ZNF615: variants seen among roughly 807,000 people sequenced by gnomAD.
The protein encoded by ZNF615 is zinc finger protein 615.
In ZNF615, 15 loss-of-function variants were observed where a neutral mutation model predicts 15.3. That is an observed-to-expected ratio of 0.98 (90% CI 0.66 to 1.51). The LOEUF (loss-of-function observed/expected upper bound fraction) is 1.51, where lower values mean the gene tolerates loss of function less well. Ranked by LOEUF, ZNF615 falls within the 40% of genes most tolerant of loss-of-function variation. ZNF615 has a pLI of 0.00. For synonymous variants in ZNF615, 268 were observed against 294.6 expected (o/e 0.91, Z 0.92); for missense variants, 848 against 895.9 (o/e 0.95, Z 0.68).
At chr19:52,005,191 G>A (rs934931140) in intron 2 of ZNF615, among the ~76,000 whole-genome samples, 44 of 152,138 alleles carry the variant, frequency 2.9e-4, no homozygotes, top group Admixed American at 2.7e-3. Context: ...CCCAGGAAGC[G>A]GAGGGTGCAG....
chr19:51,996,385 CAAA>C (rs1172310589), intron 6 of ZNF615, among the ~76,000 whole-genome samples: 50 of 33,302 alleles, frequency 1.5e-3, no homozygotes, highest in African/African-American at 5.5e-3. Flanking sequence ...GACTCTGTCT[CAAA>C]AAAAAAAAAA....
rs546967344 is a variant in ZNF615 at position 51,999,116 on chromosome 19, A to C, written c.271+1230T>G. 1.6e-4 allele frequency among the ~76,000 whole-genome samples: 25 copies of C among 152,358 alleles called. No homozygotes were observed. In the South Asian group the frequency reaches 2.5e-3, roughly 15 times the overall value. On this transcript the variant is annotated intron_variant, in intron 6 of 6. Coordinates refer to ENST00000598071, the MANE Select transcript of ZNF615 (RefSeq NM_001199324.2). ...AAGAAAACAATTCCATTAACTGCAG[A>C]AACAAAAAGAAAACTATACTTAGGA...
intron 6 of ZNF615, among the ~76,000 whole-genome samples, chr19:51,998,472 AGCT>A (rs1276091352): frequency 1.3e-5 from 2 of 152,234 alleles, no homozygotes; most frequent in African/African-American, 4.8e-5. Context: ...CTGTTCCACC[AGCT>A]GCTTTAACTT....
intron 6 of ZNF615, among the ~76,000 whole-genome samples, chr19:51,995,570 T>C (rs992738780): frequency 6.0e-5 from 9 of 150,610 alleles, no homozygotes; most frequent in African/African-American, 9.7e-5. Context: ...CTTCCTTTTT[T>C]TTTTTTTTTT....
Position 51,993,189 on chromosome 19 carries a change from A to G in ZNF615, c.1920T>C (p.Cys640=). The G allele has an allele frequency of 6.2e-7, 1 of 1,614,218 alleles. No homozygotes were observed. Among genetic ancestry groups the G allele is most frequent in the Non-Finnish European group, 8.5e-7 (1 of 1,180,036 alleles). Reference sequence around the variant, plus strand: ...ATGTCTTCTTCCTGAAGGTTTTATCACATTCATTGCATTTGTATGGCTTCT... The same window carrying G: ...ATGTCTTCTTCCTGAAGGTTTTATCGCATTCATTGCATTTGTATGGCTTCT... The part of the protein sequence containing the change: ...TGEKPYKCNE[C]DKTFRKKTCL... The change falls in exon 7 of 7, where the codon TGT becomes TGC. Residue 640 remains cysteine, a synonymous_variant. Coordinates refer to ENST00000598071, the MANE Select transcript of ZNF615 (RefSeq NM_001199324.2).
Position 51,991,869 on chromosome 19 carries a change from T to C in ZNF615, c.*1011A>G, listed in dbSNP as rs1339239188. On this transcript the variant is annotated 3_prime_UTR_variant, in exon 7 of 7. Transcript: ENST00000598071. Reference sequence around the variant, plus strand: ...TGTATTTGGTAATGAACTATGCTTATGTAAGTTGTTATCTTTGGAAGAAGC... The same window carrying C: ...TGTATTTGGTAATGAACTATGCTTACGTAAGTTGTTATCTTTGGAAGAAGC... 1 of 149,600 alleles carries C rather than the reference T, an allele frequency of 6.7e-6. No individual in the cohort carries two copies. The highest frequency in any genetic ancestry group is 2.0e-4 in the East Asian group (1 of 5,122). The allele number at this position is 149,600 out of a possible 1,614,324, so 9.3% of individuals were successfully genotyped here.
At position 52,001,897 on chromosome 19, in the gene ZNF615, T is replaced by C. The variant is rs770815797; in HGVS notation, c.154A>G (p.Ser52Gly). ...AATTTGGAGAGTGCATCTGGTTTGC[T>C]GGCTTGATACCCTGTTCATGGGAAA... ...SNLVAVGYQA[S>G]KPDALSKLER... The change falls in exon 5 of 7, where the codon AGC (serine) becomes GGC (glycine). Residue 52 changes from serine to glycine, a missense_variant. By Grantham distance (56) the Ser-to-Gly change is moderately conservative. Transcript: ENST00000598071. 23 of 1,614,098 alleles carry C rather than the reference T, an allele frequency of 1.4e-5. No homozygotes were observed. In the African/African-American group the frequency reaches 2.8e-4, roughly 20 times the overall value.
intron 6 of ZNF615, among the ~76,000 whole-genome samples, chr19:51,995,052 C>T (rs895598933): frequency 1.3e-5 from 2 of 152,080 alleles, no homozygotes; most frequent in South Asian, 2.1e-4. Context: ...AAGGGGAGGG[C>T]AGTTTTATAG....
chr19:52,001,829 G>A lies in ZNF615; in HGVS notation c.222C>T (p.Tyr74=), dbSNP rs751343599. The A allele has an allele frequency of 1.8e-5, 29 of 1,614,082 alleles. No individual in the cohort carries two copies. The East Asian group carries it at 6.5e-4, about 36-fold the overall frequency. ...EETCTTEDEI[Y]SRICSDSGGA... Reference sequence around the variant, plus strand: ...CTCACTCACCAGAACAGATTCGAGAGTAGATTTCATCTTCTGTTGTGCAAG... The same window carrying A: ...CTCACTCACCAGAACAGATTCGAGAATAGATTTCATCTTCTGTTGTGCAAG... Residue 74 remains tyrosine (Y), a synonymous_variant, in exon 5 of 7, where the codon TAC becomes TAT. Transcript: ENST00000598071.
intron 3 of ZNF615, among the ~76,000 whole-genome samples, chr19:52,003,184 G>A (rs1036808543): frequency 1.3e-5 from 2 of 152,056 alleles, no homozygotes; most frequent in Non-Finnish European, 2.9e-5. Flanking sequence ...ACACATGTAT[G>A]CACACAGACA....
chr19:51,992,790 T>C lies in ZNF615; in HGVS notation c.*90A>G. The C allele has an allele frequency of 7.1e-7, 1 of 1,407,750 alleles. No homozygotes were observed. The highest frequency in any genetic ancestry group is 9.6e-7 in the Non-Finnish European group (1 of 1,036,432). 87.2% of individuals were successfully genotyped at this position (1,407,750 alleles called of 1,614,324 possible). ...AAACATGAAGTAACTGATCACTAAA[T>C]AAACAACCATGTAGTCTGCATTCAT... On this transcript the variant is annotated 3_prime_UTR_variant, in exon 7 of 7. Coordinates refer to ENST00000598071, the MANE Select transcript of ZNF615 (RefSeq NM_001199324.2).
Position 51,993,485 on chromosome 19 carries a change from G to C in ZNF615, c.1624C>G (p.Gln542Glu). 6.2e-7 allele frequency: 1 copy of C among 1,614,024 alleles called. No homozygotes were observed. Among genetic ancestry groups the C allele is most frequent in the Non-Finnish European group, 8.5e-7 (1 of 1,179,998 alleles). The change falls in exon 7 of 7, where the codon CAA becomes GAA. Residue 542 changes from glutamine to glutamate, a missense_variant. Gln to Glu is a conservative substitution (Grantham distance 29). Transcript: ENST00000598071. ...FPAKIRLMGH[Q>E]RTHTGEKPYI... Reference sequence around the variant, plus strand: ...GGTTTCTCTCCTGTATGAGTTCGTTGATGTCCCATTAGCCGGATCTTTGCT... The same window carrying C: ...GGTTTCTCTCCTGTATGAGTTCGTTCATGTCCCATTAGCCGGATCTTTGCT...
chr19:52,002,287 A>G lies in ZNF615; in HGVS notation c.16-6T>C. ...TCCTCCAGTGTTAGGGATTCCTGTA[A>G]TAACACACTTCTGTTTAATGAAGTC... is the stretch of plus-strand genomic sequence containing the variant. On this transcript the variant is annotated splice_region_variant and splice_polypyrimidine_tract_variant and intron_variant, in intron 3 of 6. Coordinates refer to ENST00000598071, the MANE Select transcript of ZNF615 (RefSeq NM_001199324.2). 1 of 1,614,134 alleles carries G rather than the reference A, an allele frequency of 6.2e-7. No homozygotes were observed. The highest frequency in any genetic ancestry group is 1.3e-5 in the African/African-American group (1 of 75,070).
chr19:52,000,773 C>G (rs2086567702), intron 5 of ZNF615, among the ~76,000 whole-genome samples: 1 of 151,974 alleles, frequency 6.6e-6, no homozygotes, highest in South Asian at 2.1e-4. Flanking sequence ...GGCAACATGA[C>G]AAAACCCCAC....
rs1256445082 is a variant in ZNF615, at chr19:52,002,297, T to A, written c.16-16A>T. On this transcript the variant is annotated splice_polypyrimidine_tract_variant and intron_variant, in intron 3 of 6. Coordinates refer to ENST00000598071, the MANE Select transcript of ZNF615 (RefSeq NM_001199324.2). Reference sequence around the variant, plus strand: ...TTAGGGATTCCTGTAATAACACACTTCTGTTTAATGAAGTCATATTCTTTT... The same window carrying A: ...TTAGGGATTCCTGTAATAACACACTACTGTTTAATGAAGTCATATTCTTTT... 24 of 1,613,840 alleles carry A rather than the reference T, an allele frequency of 1.5e-5. No individual in the cohort carries two copies. Among genetic ancestry groups the A allele is most frequent in the Non-Finnish European group, 2.0e-5 (24 of 1,179,854 alleles).
chr19:52,002,929 C>A (rs1011157558), intron 3 of ZNF615, among the ~76,000 whole-genome samples: 2 of 151,658 alleles, frequency 1.3e-5, no homozygotes, highest in African/African-American at 4.8e-5. Flanking sequence ...CGGGTTCAAG[C>A]AATTCTCCTG....
chr19:51,995,704 G>A (rs2086400193), intron 6 of ZNF615, among the ~76,000 whole-genome samples: 1 of 151,566 alleles, frequency 6.6e-6, no homozygotes, highest in Admixed American at 6.6e-5. Context: ...TTGATTAGCT[G>A]GGACCACAGG....
At chr19:52,007,996 C>A in intron 1 of ZNF615, 145 bp downstream of exon 1, 1 of 723,862 alleles carries the variant, frequency 1.4e-6, no homozygotes, top group Non-Finnish European at 2.3e-6. Flanking sequence ...CGGACCCACG[C>A]TAAGCTCCTG....
intron 3 of ZNF615, among the ~76,000 whole-genome samples, chr19:52,003,214 G>A (rs572866845): frequency 3.3e-5 from 5 of 152,218 alleles, no homozygotes; most frequent in Admixed American, 2.0e-4. Context: ...ATATGTGTAT[G>A]TTATTAGACA....
Sources: gnomAD v4.1 joint callset for allele counts (sites outside exome capture counted in the v4.1 genomes callset) on GRCh38, gnomAD v4.1.1 for gene constraint, MANE v1.5 for transcripts, NCBI Gene and HGNC (gene_info 2026-07-23, HGNC 2026-07-21) for gene names.